Variants in SPPL3 observed in about 807,000 individuals in gnomAD.
SPPL3 encodes signal peptide peptidase-like 3.
In SPPL3, 5 loss-of-function variants were observed where a neutral mutation model predicts 42.4. That is an observed-to-expected ratio of 0.12 (90% CI 0.06 to 0.25). SPPL3 has a LOEUF of 0.25. Among genes scored for constraint, SPPL3 ranks in the 10% least tolerant of loss-of-function variants. The pLI is 1.00. For synonymous variants in SPPL3, 195 were observed against 181.8 expected (o/e 1.07, Z -0.58); for missense variants, 235 against 489.0 (o/e 0.48, Z 4.90).
chr12:120,802,390 C>CATATATATGTATATATATAT (rs1566046014), intron 2 of SPPL3, among the ~76,000 whole-genome samples: 1 of 133,412 alleles, frequency 7.5e-6, no homozygotes, highest in African/African-American at 3.0e-5. Flanking sequence ...TATATATATA[C>CATATATATGTATATATATAT]ACATATATGT....
chr12:120,862,226 A>G (rs1033883988), intron 1 of SPPL3, among the ~76,000 whole-genome samples: 1 of 152,202 alleles, frequency 6.6e-6, no homozygotes, highest in African/African-American at 2.4e-5. Flanking sequence ...TAAATTACAC[A>G]TATTTCTATG....
At chr12:120,815,796 G>A (rs1230089012) in intron 1 of SPPL3, among the ~76,000 whole-genome samples, 2 of 151,950 alleles carry the variant, frequency 1.3e-5, no homozygotes, top group Non-Finnish European at 2.9e-5. Context: ...GTGCGATCTC[G>A]GCTCACTGCA....
intron 2 of SPPL3, among the ~76,000 whole-genome samples, chr12:120,806,213 T>TA (rs1870483887): frequency 6.8e-6 from 1 of 146,432 alleles, no homozygotes; most frequent in Admixed American, 6.8e-5. Context: ...TTTTTTTTTT[T>TA]AAGAGACAGG....
intron 1 of SPPL3, among the ~76,000 whole-genome samples, chr12:120,840,767 G>A (rs1259820434): frequency 6.6e-6 from 1 of 152,018 alleles, no homozygotes; most frequent in African/African-American, 2.4e-5. Context: ...GGGAGGCGGA[G>A]GTTGCAGTGA....
intron 3 of SPPL3, among the ~76,000 whole-genome samples, chr12:120,789,081 T>C (rs938600594): frequency 3.9e-5 from 6 of 152,232 alleles, no homozygotes; most frequent in Admixed American, 1.3e-4. Context: ...CCTTATCCTA[T>C]TGGCATCCAC....
At chr12:120,767,811 G>C (rs954509367) in intron 8 of SPPL3, among the ~76,000 whole-genome samples, 2 of 152,198 alleles carry the variant, frequency 1.3e-5, no homozygotes, top group African/African-American at 2.4e-5. Context: ...TGTTTCAGGA[G>C]AGCCCCTTGG....
chr12:120,783,239 G>A (rs776324201), intron 5 of SPPL3, among the ~76,000 whole-genome samples: 17 of 152,180 alleles, frequency 1.1e-4, no homozygotes, highest in Middle Eastern at 3.4e-3. Context: ...TTTTGTTTCC[G>A]TGCAGCAATG....
chr12:120,803,308 T>G (rs1870383463), intron 2 of SPPL3, among the ~76,000 whole-genome samples: 1 of 152,218 alleles, frequency 6.6e-6, no homozygotes, highest in Non-Finnish European at 1.5e-5. Flanking sequence ...TTCCTTGAAG[T>G]AACTTGCAAA....
At chr12:120,819,542 T>C (rs1424740183) in intron 1 of SPPL3, among the ~76,000 whole-genome samples, 2 of 152,312 alleles carry the variant, frequency 1.3e-5, no homozygotes, top group African/African-American at 4.8e-5. Context: ...GATTCGTTTT[T>C]GAGAAACTAT....
chr12:120,892,604 C>A (rs901939629), intron 1 of SPPL3, among the ~76,000 whole-genome samples: 7 of 152,090 alleles, frequency 4.6e-5, no homozygotes, highest in Admixed American at 4.6e-4. Context: ...GTTATAAGAC[C>A]AGATTGTTTT....
At chr12:120,900,033 T>A (rs1164993679) in intron 1 of SPPL3, among the ~76,000 whole-genome samples, 1 of 151,918 alleles carries the variant, frequency 6.6e-6, no homozygotes, top group Non-Finnish European at 1.5e-5. Context: ...TGAACTTACA[T>A]ATAAAGGGCC....
At chr12:120,783,327 A>G (rs1676873042) in intron 5 of SPPL3, among the ~76,000 whole-genome samples, 1 of 152,230 alleles carries the variant, frequency 6.6e-6, no homozygotes, top group African/African-American at 2.4e-5. Flanking sequence ...ACCAAAGGCA[A>G]AGAAGAACGT....
intron 1 of SPPL3, among the ~76,000 whole-genome samples, chr12:120,894,923 G>A (rs908810864): frequency 7.3e-5 from 11 of 149,706 alleles, no homozygotes; most frequent in Non-Finnish European, 1.3e-4. Context: ...CTCCAGCCCG[G>A]GCAACAGAGT....
chr12:120,780,742 A>G (rs1448781023), intron 6 of SPPL3, among the ~76,000 whole-genome samples: 1 of 98,434 alleles, frequency 1.0e-5, no homozygotes, highest in Non-Finnish European at 2.2e-5. Context: ...TACAAAAATT[A>G]AAAAAAAAAA....
chr12:120,801,447 A>G (rs1214615244), intron 2 of SPPL3, among the ~76,000 whole-genome samples: 1 of 151,066 alleles, frequency 6.6e-6, no homozygotes, highest in African/African-American at 2.4e-5. Flanking sequence ...GAGATCTTAT[A>G]TTTTGTAAGA....
chr12:120,790,961 T>TA (rs1261697734), intron 3 of SPPL3, among the ~76,000 whole-genome samples: 2 of 152,170 alleles, frequency 1.3e-5, no homozygotes, highest in Non-Finnish European at 2.9e-5. Context: ...TAGCTGGAAT[T>TA]AGAGGCATGC....
intron 1 of SPPL3, among the ~76,000 whole-genome samples, chr12:120,825,060 C>T (rs537457854): frequency 1.3e-5 from 2 of 151,804 alleles, no homozygotes; most frequent in Admixed American, 1.3e-4. Context: ...TACCTTAAGT[C>T]TACTGGATAG....
chr12:120,781,856 C>T (rs1459090924), intron 6 of SPPL3, among the ~76,000 whole-genome samples: 1 of 151,756 alleles, frequency 6.6e-6, no homozygotes, highest in Non-Finnish European at 1.5e-5. Context: ...CCATTACAGG[C>T]ATGAACCACA....
intron 6 of SPPL3, among the ~76,000 whole-genome samples, chr12:120,771,911 G>A (rs1869137238): frequency 6.6e-6 from 1 of 152,330 alleles, no homozygotes; most frequent in South Asian, 2.1e-4. Context: ...GCTCTACCCA[G>A]AAGGTCCTGC....
Sources: gnomAD v4.1 joint callset for allele counts (sites outside exome capture counted in the v4.1 genomes callset) on GRCh38, gnomAD v4.1.1 for gene constraint, MANE v1.5 for transcripts, NCBI Gene and HGNC (gene_info 2026-07-23, HGNC 2026-07-21) for gene names.